The following GRM8 variants were observed in gnomAD, a reference collection of about 807,000 sequenced individuals.
The protein encoded by GRM8 is glutamate metabotropic receptor 8.
GRM8 carries 47 observed loss-of-function variants against 87.2 expected under a neutral mutation model. The ratio of observed to expected loss-of-function variants is 0.54; its 90% CI spans 0.43 to 0.69. The LOEUF is 0.69. Among genes scored for constraint, GRM8 ranks in the 30% least tolerant of loss-of-function variants. The pLI is 0.00. For missense variants in GRM8, 1,019 were observed against 1,139.2 expected, an observed-to-expected ratio of 0.89 and a Z score of 1.52; for synonymous variants, 396 against 404.5, an observed-to-expected ratio of 0.98 and a Z score of 0.25.
intron 6 of GRM8, among the ~76,000 whole-genome samples, chr7:126,797,787 A>G (rs1454608733): frequency 6.6e-6 from 1 of 152,116 alleles, no homozygotes; most frequent in Non-Finnish European, 1.5e-5. Flanking sequence ...TAGGACTAAG[A>G]TTGTGTAAAA....
chr7:126,524,361 G>T (rs998197825), intron 9 of GRM8, among the ~76,000 whole-genome samples: 2 of 152,120 alleles, frequency 1.3e-5, no homozygotes, highest in Non-Finnish European at 2.9e-5. Context: ...TTAAAACACG[G>T]TTCCTTCAAG....
At chr7:126,881,986 C>T (rs1002508144) in intron 6 of GRM8, among the ~76,000 whole-genome samples, 12 of 152,178 alleles carry the variant, frequency 7.9e-5, no homozygotes, top group African/African-American at 2.9e-4. Flanking sequence ...TTGCTGACCT[C>T]TAAACTCCAT....
At chr7:127,131,315 A>T (rs1827673118) in intron 2 of GRM8, among the ~76,000 whole-genome samples, 2 of 152,246 alleles carry the variant, frequency 1.3e-5, no homozygotes, top group South Asian at 4.1e-4. Context: ...AGCAGCATTG[A>T]AAACTTGCCA....
intron 7 of GRM8, among the ~76,000 whole-genome samples, chr7:126,755,684 C>A (rs889236547): frequency 6.6e-6 from 1 of 151,756 alleles, no homozygotes; most frequent in Non-Finnish European, 1.5e-5. Flanking sequence ...AGTTGGTAAC[C>A]TTATACTGAT....
At chr7:127,126,629 A>C (rs1827388398) in intron 2 of GRM8, among the ~76,000 whole-genome samples, 1 of 152,012 alleles carries the variant, frequency 6.6e-6, no homozygotes, top group Non-Finnish European at 1.5e-5. Context: ...TATTTAAATA[A>C]TACTACTAAT....
chr7:126,638,199 G>T (rs910493460), intron 7 of GRM8, among the ~76,000 whole-genome samples: 14 of 151,992 alleles, frequency 9.2e-5, no homozygotes, highest in African/African-American at 2.7e-4. Flanking sequence ...AAACTGGGTT[G>T]CCTAAGTACC....
At chr7:127,160,535 GCACA>G (rs139597501) in intron 2 of GRM8, among the ~76,000 whole-genome samples, 7 of 140,318 alleles carry the variant, frequency 5.0e-5, no homozygotes, top group African/African-American at 1.6e-4. Flanking sequence ...TCACGCGCGC[GCACA>G]CACACACACA....
intron 6 of GRM8, among the ~76,000 whole-genome samples, chr7:126,825,801 T>C (rs1487397129): frequency 1.1e-4 from 16 of 152,108 alleles, no homozygotes; most frequent in Admixed American, 1.0e-3. Flanking sequence ...ACATGTGCCA[T>C]GCTGGTGTGC....
chr7:126,994,407 A>G (rs553331634), intron 3 of GRM8, among the ~76,000 whole-genome samples: 12 of 152,308 alleles, frequency 7.9e-5, no homozygotes, highest in Admixed American at 7.2e-4. Flanking sequence ...CAGCTCAGCC[A>G]TAGTAGCGCA....
chr7:127,108,780 A>G (rs987334307), intron 2 of GRM8, among the ~76,000 whole-genome samples: 8 of 152,236 alleles, frequency 5.3e-5, no homozygotes, highest in African/African-American at 1.9e-4. Flanking sequence ...AAGTGCAGAT[A>G]GAAGATGGTT....
chr7:126,931,060 C>G (rs754153181), intron 3 of GRM8, among the ~76,000 whole-genome samples: 2 of 152,062 alleles, frequency 1.3e-5, no homozygotes, highest in Non-Finnish European at 2.9e-5. Flanking sequence ...AGAGATGATA[C>G]TGAATGCATT....
At chr7:126,549,798 A>G (rs564685814) in intron 8 of GRM8, among the ~76,000 whole-genome samples, 550 of 152,312 alleles carry the variant, frequency 3.6e-3, no homozygotes, top group Middle Eastern at 0.01. Context: ...ACAAATTCAA[A>G]CTTGAGAAGT....
chr7:127,203,845 A>T (rs2116577947), intron 2 of GRM8, among the ~76,000 whole-genome samples: 1 of 152,262 alleles, frequency 6.6e-6, no homozygotes, highest in Middle Eastern at 3.4e-3. Context: ...CCAAAGGAAG[A>T]AAAAGGGAGT....
intron 6 of GRM8, among the ~76,000 whole-genome samples, chr7:126,828,999 T>C (rs1486300438): frequency 6.6e-6 from 1 of 152,198 alleles, no homozygotes; most frequent in East Asian, 1.9e-4. Flanking sequence ...AGTTTCCATG[T>C]AGTTGAGAGG....
chr7:126,474,595 T>C (rs1805682975), intron 9 of GRM8, among the ~76,000 whole-genome samples: 1 of 152,146 alleles, frequency 6.6e-6, no homozygotes, highest in African/African-American at 2.4e-5. Context: ...GCTGAAAACC[T>C]ATGTTCATCC....
chr7:126,524,325 G>C (rs909930615), intron 9 of GRM8, among the ~76,000 whole-genome samples: 6 of 152,086 alleles, frequency 3.9e-5, no homozygotes, highest in African/African-American at 1.4e-4. Context: ...TTGATTGATA[G>C]TTTGGTTGGC....
chr7:126,790,525 T>C (rs540627499), intron 6 of GRM8, among the ~76,000 whole-genome samples: 3 of 152,344 alleles, frequency 2.0e-5, no homozygotes, highest in Middle Eastern at 3.4e-3. Flanking sequence ...TTTTGTTTTG[T>C]ATTTGTAATT....
chr7:126,643,096 G>C (rs972031751), intron 7 of GRM8, among the ~76,000 whole-genome samples: 1 of 151,288 alleles, frequency 6.6e-6, no homozygotes, highest in Non-Finnish European at 1.5e-5. Context: ...TTTGAGACCA[G>C]CCTGGGCAAC....
At chr7:126,694,661 A>C (rs1809186684) in intron 7 of GRM8, among the ~76,000 whole-genome samples, 1 of 152,144 alleles carries the variant, frequency 6.6e-6, no homozygotes, top group East Asian at 1.9e-4. Flanking sequence ...TGAGTGTTGA[A>C]ATATACTAAG....
Sources: gnomAD v4.1 joint callset for allele counts (sites outside exome capture counted in the v4.1 genomes callset) on GRCh38, gnomAD v4.1.1 for gene constraint, MANE v1.5 for transcripts, NCBI Gene and HGNC (gene_info 2026-07-23, HGNC 2026-07-21) for gene names.